The following RNF20 variants were observed in gnomAD, a reference collection of about 807,000 sequenced individuals.
RNF20 encodes E3 ubiquitin-protein ligase BRE1A.
In RNF20, 84 loss-of-function variants were observed where a neutral mutation model predicts 126.2. That is an observed-to-expected ratio of 0.67 (90% confidence interval 0.56 to 0.80). The LOEUF is 0.80. RNF20 is among the 30% of genes least tolerant of loss of function. The pLI, the probability that RNF20 is intolerant of heterozygous loss-of-function variation, is 0.00. For synonymous variants in RNF20, 400 were observed against 414.3 expected (o/e 0.97, Z 0.42); for missense variants, 869 against 1,188.2 (o/e 0.73, Z 3.95).
At position 101,550,122 on chromosome 9, in the gene RNF20, A is replaced by G. The variant is rs552215017; in HGVS notation, c.1093-484A>G. 1.2e-4 allele frequency among the ~76,000 whole-genome samples: 19 copies of G among 152,338 alleles called. No homozygotes were observed. In the South Asian group the frequency reaches 3.5e-3, roughly 28 times the overall value. On this transcript the variant is annotated intron_variant, in intron 9 of 19. Transcript: ENST00000389120. ...TGTAGGTTAAATGATATGAATAAAG[A>G]TGTTTGAACTGAAAAATAAAAAACA... is the stretch of plus-strand genomic sequence containing the variant.
At chr9:101,535,345 A>C (rs777703431) in intron 1 of RNF20, 53 bp from the exon 2 acceptor site, 38 of 1,462,618 alleles carry the variant, frequency 2.6e-5, no homozygotes, top group Admixed American at 8.2e-5. Context: ...GTTTTACTCT[A>C]TTGTTGCTTT....
In RNF20 at chr9:101,562,324, G is replaced by C; in HGVS notation, c.2830G>C (p.Glu944Gln). 2 of 1,614,022 alleles carry C rather than the reference G, an allele frequency of 1.2e-6. No homozygotes were observed. Among genetic ancestry groups the C allele is most frequent in the Non-Finnish European group, 1.7e-6 (2 of 1,179,942 alleles). The change falls in exon 20 of 20, where the codon GAG becomes CAG. Residue 944 changes from glutamate to glutamine, a missense_variant. Transcript: ENST00000389120. The stretch of plus-strand genomic sequence containing the variant: ...TAAGTGTTTTCATGTCTTCTGCTTT[G>C]AGTGTGTGAAGACACGCTATGACAC... Reference protein sequence around the residue: ...LTKCFHVFCFECVKTRYDTRQ... With the variant: ...LTKCFHVFCFQCVKTRYDTRQ...
chr9:101,554,843 G>A lies in RNF20; in HGVS notation c.2169G>A (p.Gln723=), dbSNP rs1827508263. ...AGAAGAAGCTAGCCATGGCCAAGCA[G>A]GTGGACTCACTTTCTTTATTTAATT... is the stretch of plus-strand genomic sequence containing the variant. ...YLQKKLAMAK[Q]EEEALLSEMD... The change falls in exon 15 of 20, where the codon CAG becomes CAA. Residue 723 remains glutamine, a splice_region_variant and synonymous_variant. Transcript: ENST00000389120. 7.1e-7 allele frequency: 1 copy of A among 1,414,724 alleles called. No individual in the cohort carries two copies. Among genetic ancestry groups the A allele is most frequent in the Admixed American group, 2.5e-5 (1 of 39,514 alleles). The allele number at this position is 1,414,724 out of a possible 1,614,324, so 87.6% of individuals were successfully genotyped here.
chr9:101,536,612 G>T (rs1295261312), intron 2 of RNF20, among the ~76,000 whole-genome samples: 2 of 152,194 alleles, frequency 1.3e-5, no homozygotes, highest in East Asian at 1.9e-4. Context: ...ATAAATATTT[G>T]TTGAGTATTT....
Position 101,552,518 on chromosome 9 carries a change from G to A in RNF20, c.1666G>A (p.Asp556Asn), listed in dbSNP as rs567164025. 6 of 1,614,072 alleles carry A rather than the reference G, an allele frequency of 3.7e-6. No individual in the cohort carries two copies. In the Admixed American group the frequency reaches 8.3e-5, roughly 22 times the overall value. ...CTCAGCTTCAAAGGCATCTCAGGAG[G>A]ATGCCAATGAAATCAAGTCTAAACG... ...QSSASKASQE[D>N]ANEIKSKRDE... is the part of the protein sequence containing the mutation. The change falls in exon 13 of 20, where the codon GAT becomes AAT. Residue 556 changes from aspartate to asparagine, a missense_variant. Around this residue, in one of 8 missense-constraint regions of RNF20, gnomAD observed 231 missense variants for 263.6 expected, o/e 0.88. Coordinates refer to ENST00000389120, the MANE Select transcript of RNF20 (RefSeq NM_019592.7).
rs762144243 is a variant in RNF20, at chr9:101,562,230, C to A, written c.2752-16C>A. 13 of 1,605,104 alleles carry A rather than the reference C, an allele frequency of 8.1e-6. No individual in the cohort carries two copies. Among genetic ancestry groups the A allele is most frequent in the African/African-American group, 1.3e-5 (1 of 74,774 alleles). ...ACTTTCATGGTTGTTCAAACTCTGA[C>A]ATCTTTTCTTTTTAGGCACGCTTGA... On this transcript the variant is annotated splice_polypyrimidine_tract_variant and intron_variant, in intron 19 of 19. Coordinates refer to ENST00000389120, the MANE Select transcript of RNF20 (RefSeq NM_019592.7).
rs943491661 is a variant in RNF20 at position 101,541,226 on chromosome 9, C to T, written c.628+251C>T. On this transcript the variant is annotated intron_variant, in intron 5 of 19. Transcript: ENST00000389120. ...CTAGGACTATAGGCACGTACTACCA[C>T]ACCTGGCTAATATTTTAACCTTTTT... Among the ~76,000 whole-genome samples the T allele has an allele frequency of 3.3e-5, 5 of 152,166 alleles. 1 individual carries two copies. The highest frequency in any genetic ancestry group is 7.3e-5 in the Non-Finnish European group (5 of 68,030).
chr9:101,548,429 T>C (rs1164485893), intron 9 of RNF20, among the ~76,000 whole-genome samples: 2 of 152,194 alleles, frequency 1.3e-5, no homozygotes, highest in Non-Finnish European at 2.9e-5. Flanking sequence ...AATGCTGTAT[T>C]GTGTACTTGA....
chr9:101,554,221 G>A, intron 14 of RNF20, 116 bp downstream of exon 14: 1 of 612,220 alleles, frequency 1.6e-6, no homozygotes, highest in Middle Eastern at 2.9e-4. Context: ...GTGTTTAAGT[G>A]CAACATTTTC....
intron 2 of RNF20, among the ~76,000 whole-genome samples, chr9:101,535,818 A>C (rs1271729292): frequency 6.6e-6 from 1 of 152,228 alleles, no homozygotes; most frequent in Non-Finnish European, 1.5e-5. Context: ...ATAGGTATTT[A>C]GCAGTGGGAA....
intron 13 of RNF20, among the ~76,000 whole-genome samples, chr9:101,553,542 A>C (rs904282597): frequency 1.3e-5 from 2 of 152,010 alleles, no homozygotes; most frequent in Admixed American, 1.3e-4. Flanking sequence ...CAGACTTTCA[A>C]ATTTTTCCCT....
chr9:101,554,817 C>T lies in RNF20; in HGVS notation c.2143C>T (p.Gln715Ter). 2 of 1,491,284 alleles carry T rather than the reference C, an allele frequency of 1.3e-6. No individual in the cohort carries two copies. The highest frequency in any genetic ancestry group is 1.8e-6 in the Non-Finnish European group (2 of 1,110,874). 92.4% of individuals were successfully genotyped at this position (1,491,284 alleles called of 1,614,324 possible). A position where few individuals can be genotyped will look rare whatever the true frequency, so the allele number is the denominator to read the frequency against. ...RAVEEQIEYL[Q>*]KKLAMAKQEE... ...AGTGGAGGAGCAGATAGAATACCTA[C>T]AGAAGAAGCTAGCCATGGCCAAGCA... Residue 715 changes from glutamine to a stop codon, truncating the protein, a stop_gained, in exon 15 of 20, where the codon CAG (glutamine) becomes TAG (stop). Coordinates refer to ENST00000389120, the MANE Select transcript of RNF20 (RefSeq NM_019592.7). LOFTEE classifies it high-confidence loss of function.
intron 18 of RNF20, among the ~76,000 whole-genome samples, chr9:101,561,677 G>T (rs1300458028): frequency 6.6e-6 from 1 of 152,264 alleles, no homozygotes; most frequent in East Asian, 1.9e-4. Context: ...TGTTTTCACA[G>T]GACTGAATTG....
rs146399620 is a variant in RNF20, at chr9:101,542,893, A to T, written c.629-1874A>T. ...AACACAAAAGGCAATTGCCATTGGTAAGCTGAACTTTCTAAGAGATAAAGA... is the reference window on the plus strand; with the variant it reads ...AACACAAAAGGCAATTGCCATTGGTTAGCTGAACTTTCTAAGAGATAAAGA... On this transcript the variant is annotated intron_variant, in intron 5 of 19. Transcript: ENST00000389120. Among the ~76,000 whole-genome samples the T allele has an allele frequency of 6.5e-4, 99 of 152,354 alleles. 1 individual carries two copies. The highest frequency in any genetic ancestry group is 5.9e-4 in the Admixed American group (9 of 15,310).
chr9:101,555,827 C>T lies in RNF20; in HGVS notation c.2169+984C>T, dbSNP rs541776221. 7.9e-4 allele frequency among the ~76,000 whole-genome samples: 119 copies of T among 151,012 alleles called. 1 individual carries two copies. The highest frequency in any genetic ancestry group is 2.3e-3 in the South Asian group (11 of 4,756). ...AAACAAAATTAGCTGGGCTTGGTGG[C>T]GCATGCCTGTAATCCCAGCTACTTG... On this transcript the variant is annotated intron_variant, in intron 15 of 19. Coordinates refer to ENST00000389120, the MANE Select transcript of RNF20 (RefSeq NM_019592.7).
chr9:101,555,252 A>G (rs923689455), intron 15 of RNF20, among the ~76,000 whole-genome samples: 8 of 151,816 alleles, frequency 5.3e-5, no homozygotes, highest in Admixed American at 1.3e-4. Context: ...AATATATATC[A>G]TTATATATTT....
intron 11 of RNF20, 126 bp from the exon 12 acceptor site, chr9:101,552,015 A>G (rs2118714986): frequency 7.2e-7 from 1 of 1,386,458 alleles, no homozygotes. Flanking sequence ...TCATCTTCTG[A>G]GAAGGAATCT....
rs1347576574 is a variant in RNF20 at position 101,551,832 on chromosome 9, T to C, written c.1408+13T>C. 6.3e-7 allele frequency: 1 copy of C among 1,598,758 alleles called. No individual in the cohort carries two copies. The highest frequency in any genetic ancestry group is 1.8e-5 in the Admixed American group (1 of 56,744). ...AATGAACAAGCAGGTATAATGATTC[T>C]CACTCCATGCTGTAGTTTGCTCTTA... is the stretch of plus-strand genomic sequence containing the variant. On this transcript the variant is annotated intron_variant, in intron 11 of 19. Coordinates refer to ENST00000389120, the MANE Select transcript of RNF20 (RefSeq NM_019592.7).
chr9:101,537,203 G>C (rs74511517), intron 2 of RNF20, among the ~76,000 whole-genome samples: 1,866 of 152,338 alleles, frequency 0.012, 20 homozygotes, highest in South Asian at 0.039. Flanking sequence ...TGCTATAGGA[G>C]GCCTTTGCAG....
Sources: allele counts gnomAD v4.1 joint callset (sites outside exome capture counted in the v4.1 genomes callset), GRCh38; gene constraint gnomAD v4.1.1; regional missense constraint gnomAD v4.1.1; transcripts MANE v1.5; gene names NCBI Gene and HGNC (gene_info 2026-07-23, HGNC 2026-07-21).